Variants in CADM2 observed in about 807,000 individuals in gnomAD.
CADM2 encodes cell adhesion molecule 2, also known as immunoglobulin superfamily member 4D.
A neutral mutation model predicts 49.8 loss-of-function variants in CADM2; 12 were observed. The observed-to-expected ratio is 0.24, with a 90% CI of 0.15 to 0.39. CADM2 has a LOEUF of 0.39. Among genes scored for constraint, CADM2 ranks in the 10% least tolerant of loss-of-function variants. The pLI is 1.00. For missense variants in CADM2, 378 were observed against 492.3 expected, an observed-to-expected ratio of 0.77 and a Z score of 2.20; for synonymous variants, 214 against 175.4, an observed-to-expected ratio of 1.22 and a Z score of -1.74.
chr3:85,077,769 G>A (rs1364744324), intron 1 of CADM2, among the ~76,000 whole-genome samples: 2 of 151,900 alleles, frequency 1.3e-5, no homozygotes, highest in Admixed American at 6.6e-5. Context: ...AAAGTTTTTT[G>A]TCAATGCTCT....
chr3:85,226,739 T>A (rs922028669), intron 1 of CADM2, among the ~76,000 whole-genome samples: 1 of 152,198 alleles, frequency 6.6e-6, no homozygotes, highest in African/African-American at 2.4e-5. Context: ...GTTTTAGATC[T>A]TTCCTGCTTT....
rs182015085 is a variant in CADM2 at position 85,657,574 on chromosome 3, G to A, written c.62-68948G>A. ...CTTTATTATGTGGACTTTTATTCAT[G>A]TATATCTAGATGGATATTTTCATTA... On this transcript the variant is annotated intron_variant, in intron 1 of 9. Transcript: ENST00000383699. 8.2e-3 allele frequency among the ~76,000 whole-genome samples: 1,237 copies of A among 151,114 alleles called. 8 individuals are homozygous for A. Among genetic ancestry groups the A allele is most frequent in the Non-Finnish European group, 0.011 (776 of 67,772 alleles).
chr3:85,183,574 G>A (rs1261803915), intron 1 of CADM2, among the ~76,000 whole-genome samples: 2 of 152,064 alleles, frequency 1.3e-5, no homozygotes, highest in Non-Finnish European at 2.9e-5. Context: ...CCTTCAGAAC[G>A]CTCTTTCTGC....
At chr3:85,114,135 C>G (rs777415432) in intron 1 of CADM2, among the ~76,000 whole-genome samples, 1 of 151,972 alleles carries the variant, frequency 6.6e-6, no homozygotes. Context: ...GAAAAATTCT[C>G]TCTTTACAGT....
chr3:85,297,971 CTG>C (rs1481558745), intron 1 of CADM2, among the ~76,000 whole-genome samples: 3 of 151,920 alleles, frequency 2.0e-5, no homozygotes, highest in Non-Finnish European at 4.4e-5. Flanking sequence ...AAGACATGAA[CTG>C]ATTCATAAAA....
chr3:85,843,749 G>A (rs755682326), intron 3 of CADM2, among the ~76,000 whole-genome samples: 6 of 152,082 alleles, frequency 3.9e-5, no homozygotes, highest in Non-Finnish European at 8.8e-5. Flanking sequence ...TGAAGATCAC[G>A]TTAATGCTCC....
chr3:85,237,472 A>C (rs1458667922), intron 1 of CADM2, among the ~76,000 whole-genome samples: 1 of 151,722 alleles, frequency 6.6e-6, no homozygotes, highest in Admixed American at 6.6e-5. Context: ...TTCATTCTAT[A>C]TATAATGAAA....
intron 1 of CADM2, among the ~76,000 whole-genome samples, chr3:85,370,040 C>T (rs2033092895): frequency 6.6e-6 from 1 of 151,430 alleles, no homozygotes; most frequent in African/African-American, 2.4e-5. Context: ...GTCAAAAACC[C>T]CGTGTCTACT....
At chr3:85,449,538 G>T (rs2037653537) in intron 1 of CADM2, among the ~76,000 whole-genome samples, 2 of 149,544 alleles carry the variant, frequency 1.3e-5, no homozygotes, top group South Asian at 4.3e-4. Context: ...TTTTGACGTA[G>T]TATTTTCCTT....
At chr3:85,555,676 A>G (rs2061940943) in intron 1 of CADM2, among the ~76,000 whole-genome samples, 1 of 152,106 alleles carries the variant, frequency 6.6e-6, no homozygotes, top group African/African-American at 2.4e-5. Context: ...ACATAAAAAT[A>G]CCCTACAATT....
At chr3:85,034,790 CTTTT>C (rs1179967499) in intron 1 of CADM2, among the ~76,000 whole-genome samples, 4 of 84,092 alleles carry the variant, frequency 4.8e-5, no homozygotes, top group African/African-American at 1.6e-4. Context: ...AGACATTTTG[CTTTT>C]TTTTTTTTTT....
At chr3:85,875,276 T>C (rs1711660255) in intron 3 of CADM2, among the ~76,000 whole-genome samples, 1 of 152,156 alleles carries the variant, frequency 6.6e-6, no homozygotes. Context: ...CTATTACAAA[T>C]GACACATACT....
Position 85,692,188 on chromosome 3 carries a change from T to C in CADM2, c.62-34334T>C, listed in dbSNP as rs367839315. On this transcript the variant is annotated intron_variant, in intron 1 of 9. Coordinates refer to ENST00000383699, the MANE Select transcript of CADM2 (RefSeq NM_001167675.2). ...TCTCTCCTGAGAAAGTACAGGCTACTGGGTGTAGAGTTTTGCTAAAGGATT... is the reference window on the plus strand; with the variant it reads ...TCTCTCCTGAGAAAGTACAGGCTACCGGGTGTAGAGTTTTGCTAAAGGATT... Among the ~76,000 whole-genome samples the C allele has an allele frequency of 9.2e-5, 14 of 152,266 alleles. No individual in the cohort carries two copies. In the East Asian group the frequency reaches 2.5e-3, roughly 27 times the overall value.
intron 1 of CADM2, among the ~76,000 whole-genome samples, chr3:85,446,176 T>C (rs945019593): frequency 2.6e-5 from 4 of 152,164 alleles, no homozygotes; most frequent in Non-Finnish European, 2.9e-5. Context: ...TCACTGTTTT[T>C]ATTACAGGGT....
At chr3:85,978,884 G>A (rs1444597398) in intron 8 of CADM2, among the ~76,000 whole-genome samples, 1 of 151,204 alleles carries the variant, frequency 6.6e-6, no homozygotes, top group Non-Finnish European at 1.5e-5. Context: ...AAATGACTCA[G>A]TGAACAAATG....
chr3:85,389,953 T>A (rs906579789), intron 1 of CADM2, among the ~76,000 whole-genome samples: 13 of 152,124 alleles, frequency 8.5e-5, no homozygotes, highest in Admixed American at 6.6e-5. Context: ...ATGCATATTT[T>A]ACAATTCTTG....
chr3:85,635,963 C>G (rs1422438972), intron 1 of CADM2, among the ~76,000 whole-genome samples: 1 of 152,106 alleles, frequency 6.6e-6, no homozygotes, highest in Non-Finnish European at 1.5e-5. Flanking sequence ...TCTGGTGATG[C>G]TGGTGTAAGA....
intron 1 of CADM2, among the ~76,000 whole-genome samples, chr3:84,971,498 C>T (rs950573954): frequency 1.3e-5 from 2 of 152,036 alleles, no homozygotes; most frequent in African/African-American, 4.8e-5. Flanking sequence ...CTCCATTTCT[C>T]CATATCATTT....
intron 1 of CADM2, among the ~76,000 whole-genome samples, chr3:85,581,744 G>T (rs1348256274): frequency 6.6e-6 from 1 of 151,646 alleles, no homozygotes; most frequent in Non-Finnish European, 1.5e-5. Context: ...AATTACATGG[G>T]CAATATCTGG....
Sources: allele counts gnomAD v4.1 joint callset (sites outside exome capture counted in the v4.1 genomes callset), GRCh38; gene constraint gnomAD v4.1.1; transcripts MANE v1.5; gene names NCBI Gene and HGNC (gene_info 2026-07-23, HGNC 2026-07-21).